ARB2A: variants seen among roughly 807,000 people sequenced by gnomAD.
ARB2A encodes the protein cotranscriptional regulator ARB2A.
chr5:93,857,647 T>C, the ARB2A span, among the ~76,000 whole-genome samples: 2 of 152,160 alleles, frequency 1.3e-5, no homozygotes, highest in African/African-American at 2.4e-5. Context: ...AAAAGTGCAG[T>C]ATTAGGGTGG....
the ARB2A span, among the ~76,000 whole-genome samples, chr5:93,687,801 C>T: frequency 1.3e-5 from 2 of 151,942 alleles, no homozygotes; most frequent in South Asian, 4.2e-4. Context: ...TTAGAATGGC[C>T]ATTTTAAAAT....
chr5:93,982,661 G>A, the ARB2A span, among the ~76,000 whole-genome samples: 4 of 152,132 alleles, frequency 2.6e-5, no homozygotes, highest in Middle Eastern at 3.2e-3. Context: ...TAGGCTACAT[G>A]GTATAGCCTA....
chr5:93,770,728 T>C, the ARB2A span, among the ~76,000 whole-genome samples: 2 of 152,094 alleles, frequency 1.3e-5, no homozygotes, highest in African/African-American at 4.8e-5. Flanking sequence ...ATAAAATACC[T>C]AGGAATCCAA....
At chr5:94,051,238 T>A in the ARB2A span, among the ~76,000 whole-genome samples, 1 of 152,178 alleles carries the variant, frequency 6.6e-6, no homozygotes, top group African/African-American at 2.4e-5. Context: ...TTGAAATATG[T>A]CAACAGTCTA....
chr5:94,041,535 A>G, the ARB2A span, among the ~76,000 whole-genome samples: 2 of 152,170 alleles, frequency 1.3e-5, no homozygotes, highest in African/African-American at 4.8e-5. Flanking sequence ...TAATAATAAG[A>G]GCTTAAATTA....
the ARB2A span, among the ~76,000 whole-genome samples, chr5:93,787,565 G>C: frequency 9.2e-5 from 14 of 152,098 alleles, no homozygotes; most frequent in Admixed American, 4.6e-4. Flanking sequence ...TAAGTAAACT[G>C]AGACAGTTTA....
chr5:93,767,646 A>G, the ARB2A span, among the ~76,000 whole-genome samples: 1 of 152,112 alleles, frequency 6.6e-6, no homozygotes, highest in Non-Finnish European at 1.5e-5. Context: ...TAACGAGTTA[A>G]GAAACTGTGG....
chr5:93,712,363 A>G, the ARB2A span, among the ~76,000 whole-genome samples: 1 of 152,230 alleles, frequency 6.6e-6, no homozygotes, highest in African/African-American at 2.4e-5. Context: ...AAAGACCAGA[A>G]GCAGCAACAA....
the ARB2A span, among the ~76,000 whole-genome samples, chr5:93,700,213 A>T: frequency 6.6e-6 from 1 of 152,166 alleles, no homozygotes; most frequent in Non-Finnish European, 1.5e-5. Flanking sequence ...GAATTTTTAC[A>T]CTACTTACAT....
At chr5:94,060,304 A>G in the ARB2A span, among the ~76,000 whole-genome samples, 3 of 152,138 alleles carry the variant, frequency 2.0e-5, no homozygotes, top group Non-Finnish European at 4.4e-5. Context: ...GTGAGCCAAG[A>G]TCACGCCACT....
the ARB2A span, among the ~76,000 whole-genome samples, chr5:93,972,837 A>G: frequency 6.6e-6 from 1 of 152,054 alleles, no homozygotes; most frequent in Non-Finnish European, 1.5e-5. Flanking sequence ...GCACTTTGTA[A>G]GGTCAAAGCA....
the ARB2A span, among the ~76,000 whole-genome samples, chr5:93,963,136 A>G: frequency 6.6e-6 from 1 of 152,048 alleles, no homozygotes; most frequent in Non-Finnish European, 1.5e-5. Flanking sequence ...TTAACAAGAA[A>G]GGAAAACTGG....
the ARB2A span, among the ~76,000 whole-genome samples, chr5:93,782,331 T>C: frequency 2.0e-5 from 3 of 152,166 alleles, no homozygotes; most frequent in African/African-American, 7.2e-5. Flanking sequence ...GTAGATGAAA[T>C]AGGAATTATT....
the ARB2A span, among the ~76,000 whole-genome samples, chr5:94,026,955 A>C: frequency 6.6e-6 from 1 of 152,216 alleles, no homozygotes; most frequent in Non-Finnish European, 1.5e-5. Flanking sequence ...CTGAAGTCTC[A>C]ATCATCACCG....
At chr5:93,658,653 T>A in the ARB2A span, among the ~76,000 whole-genome samples, 1 of 152,136 alleles carries the variant, frequency 6.6e-6, no homozygotes, top group Non-Finnish European at 1.5e-5. Flanking sequence ...TGTGATGACT[T>A]CTTTGGCATT....
chr5:93,872,465 C>G, the ARB2A span, among the ~76,000 whole-genome samples: 1 of 152,134 alleles, frequency 6.6e-6, no homozygotes, highest in Non-Finnish European at 1.5e-5. Flanking sequence ...CCCCACCACC[C>G]TAACTGGTCA....
At chr5:93,743,658 G>A in the ARB2A span, 1 of 458,378 alleles carries the variant, frequency 2.2e-6, no homozygotes, top group Non-Finnish European at 2.9e-6. Flanking sequence ...ACTGAAAACA[G>A]CCATTTTCTT....
At chr5:93,960,123 C>CCA in the ARB2A span, among the ~76,000 whole-genome samples, 47 of 141,794 alleles carry the variant, frequency 3.3e-4, no homozygotes, top group African/African-American at 1.2e-3. Context: ...CTAAATACTC[C>CCA]CAGTCATTAC....
chr5:93,935,098 G>C, the ARB2A span, among the ~76,000 whole-genome samples: 3 of 152,052 alleles, frequency 2.0e-5, no homozygotes, highest in African/African-American at 7.3e-5. Context: ...GGTGGGAGGC[G>C]GGTGAGGGAT....
Sources: gnomAD v4.1 joint callset for allele counts (sites outside exome capture counted in the v4.1 genomes callset) on GRCh38, gnomAD v4.1.1 for gene constraint, MANE v1.5 for transcripts, NCBI Gene and HGNC (gene_info 2026-07-23, HGNC 2026-07-21) for gene names.